The following RUNX1T1 variants were observed in gnomAD, a reference collection of about 807,000 sequenced individuals.
RUNX1T1 encodes the protein protein CBFA2T1.
A neutral mutation model predicts 62.8 loss-of-function variants in RUNX1T1; 4 were observed. The observed-to-expected ratio is 0.06, with a 90% CI of 0.03 to 0.15. The LOEUF (loss-of-function observed/expected upper bound fraction) is 0.15, where lower values mean the gene tolerates loss of function less well. RUNX1T1 is among the 10% of genes least tolerant of loss of function. RUNX1T1 has a pLI of 1.00. For synonymous variants in RUNX1T1, 291 were observed against 286.0 expected, an observed-to-expected ratio of 1.02 and a Z score of -0.18; for missense variants, 508 against 754.3, an observed-to-expected ratio of 0.67 and a Z score of 3.82.
chr8:92,048,766 C>A (rs1208900805), intron 1 of RUNX1T1, among the ~76,000 whole-genome samples: 2 of 151,604 alleles, frequency 1.3e-5, no homozygotes, highest in Non-Finnish European at 2.9e-5. Flanking sequence ...TTATTGGAAT[C>A]TGAAAAACAT....
intron 1 of RUNX1T1, among the ~76,000 whole-genome samples, chr8:92,034,968 A>G (rs1048127008): frequency 1.3e-5 from 2 of 152,054 alleles, no homozygotes; most frequent in African/African-American, 4.8e-5. Flanking sequence ...GTTCTCATTT[A>G]TAAGTAGGAG....
At chr8:92,054,372 T>C (rs1722657701) in intron 1 of RUNX1T1, among the ~76,000 whole-genome samples, 1 of 152,164 alleles carries the variant, frequency 6.6e-6, no homozygotes, top group African/African-American at 2.4e-5. Flanking sequence ...AGCATAACAC[T>C]TGGCACTGTT....
chr8:92,010,217 G>A (rs1821666026), intron 4 of RUNX1T1: 1 of 152,154 alleles, frequency 6.6e-6, no homozygotes, highest in Non-Finnish European at 1.5e-5. Flanking sequence ...CTTCAAAGGG[G>A]AGTGCAAATG....
At chr8:92,058,354 T>C (rs1831378041) in intron 1 of RUNX1T1, among the ~76,000 whole-genome samples, 1 of 152,184 alleles carries the variant, frequency 6.6e-6, no homozygotes, top group Non-Finnish European at 1.5e-5. Flanking sequence ...TCCCAAACAA[T>C]TATAAAATAA....
chr8:92,041,226 C>T (rs1828384556), intron 1 of RUNX1T1, among the ~76,000 whole-genome samples: 1 of 141,278 alleles, frequency 7.1e-6, no homozygotes, highest in Non-Finnish European at 1.5e-5. Context: ...GCATGCAAAG[C>T]CAAGGGGCAT....
rs569345024 is a variant in RUNX1T1 at position 92,084,030 on chromosome 8, A to G, written c.-85-7893T>C. 3.3e-4 allele frequency among the ~76,000 whole-genome samples: 50 copies of G among 152,258 alleles called. No homozygotes were observed. In the South Asian group the frequency reaches 0.01, roughly 31 times the overall value. ...AGCCAAACAATGCATGTTCTCACTC[A>G]TAAGTGGGAGTTGAACAATGAGAAC... On this transcript the variant is annotated intron_variant, in intron 1 of 11. Coordinates refer to the RUNX1T1 transcript ENST00000265814.
In RUNX1T1 at chr8:92,041,546, G is replaced by T. The variant is rs1244505372; in HGVS notation, c.7+21000C>A. Among the ~76,000 whole-genome samples the T allele has an allele frequency of 5.9e-5, 9 of 152,258 alleles. No homozygotes were observed. The East Asian group carries it at 1.4e-3, about 23-fold the overall frequency. On this transcript the variant is annotated intron_variant, in intron 1 of 10. Transcript: ENST00000396218. ...ACTTGAGGCCAGGAGTTCAAGATCAGCCTGGCCAAAGTGGTGAAACCCCAT... is the reference window on the plus strand; with the variant it reads ...ACTTGAGGCCAGGAGTTCAAGATCATCCTGGCCAAAGTGGTGAAACCCCAT...
At chr8:92,050,797 T>G (rs1276264884) in intron 1 of RUNX1T1, among the ~76,000 whole-genome samples, 1 of 152,302 alleles carries the variant, frequency 6.6e-6, no homozygotes, top group East Asian at 1.9e-4. Context: ...ATCATGTCAC[T>G]TCCTAGCTTA....
chr8:91,987,384 T>C (rs1159907775), intron 6 of RUNX1T1, among the ~76,000 whole-genome samples: 1 of 152,144 alleles, frequency 6.6e-6, no homozygotes, highest in East Asian at 1.9e-4. Context: ...TCATTTTACA[T>C]AGGAAGGGTT....
intron 1 of RUNX1T1, among the ~76,000 whole-genome samples, chr8:92,099,239 T>C (rs1475551494): frequency 6.6e-6 from 1 of 152,204 alleles, no homozygotes; most frequent in African/African-American, 2.4e-5. Flanking sequence ...GTTATTAACA[T>C]GTAGAAATTA....
chr8:92,088,647 G>A (rs1836508773), intron 1 of RUNX1T1, among the ~76,000 whole-genome samples: 1 of 152,114 alleles, frequency 6.6e-6, no homozygotes, highest in African/African-American at 2.4e-5. Context: ...GTTACTAGGT[G>A]GATTCTCCAA....
At chr8:92,021,273 C>T (rs1824042054) in intron 1 of RUNX1T1, among the ~76,000 whole-genome samples, 1 of 152,092 alleles carries the variant, frequency 6.6e-6, no homozygotes, top group South Asian at 2.1e-4. Context: ...GGGTATAGAA[C>T]TTTAATTTTT....
At chr8:92,003,220 G>A (rs1028518707) in intron 5 of RUNX1T1, 2 of 392,270 alleles carry the variant, frequency 5.1e-6, no homozygotes, top group African/African-American at 4.1e-5. Flanking sequence ...CAGCGACAGA[G>A]CATCAAAACA....
chr8:92,005,461 C>T (rs1460721487), intron 4 of RUNX1T1, 164 bp from the exon 6 acceptor site: 1 of 602,482 alleles, frequency 1.7e-6, no homozygotes, highest in African/African-American at 1.9e-5. Flanking sequence ...CAGCACTGGG[C>T]TACCATGTGC....
At chr8:92,031,799 G>A (rs1007246325) in intron 1 of RUNX1T1, among the ~76,000 whole-genome samples, 1 of 151,900 alleles carries the variant, frequency 6.6e-6, no homozygotes, top group Non-Finnish European at 1.5e-5. Flanking sequence ...TGACAAGGCC[G>A]GGCGTTTATT....
At chr8:92,043,792 C>T (rs1828893464) in intron 1 of RUNX1T1, among the ~76,000 whole-genome samples, 1 of 152,056 alleles carries the variant, frequency 6.6e-6, no homozygotes, top group South Asian at 2.1e-4. Context: ...GCCTGGCTAA[C>T]ATGGTGAAAC....
chr8:92,063,503 A>C (rs1832396893), upstream of RUNX1T1: 1 of 152,222 alleles, frequency 6.6e-6, no homozygotes, highest in Non-Finnish European at 1.5e-5. Flanking sequence ...CTTCCCATGA[A>C]TAACACATAC....
At chr8:91,985,125 T>C (rs1388485861) in intron 8 of RUNX1T1, among the ~76,000 whole-genome samples, 1 of 152,226 alleles carries the variant, frequency 6.6e-6, no homozygotes, top group Non-Finnish European at 1.5e-5. Context: ...GAACTTAATC[T>C]GCACGTTTTG....
downstream of RUNX1T1, chr8:91,955,626 C>A (rs1246096532): frequency 4.4e-6 from 1 of 226,420 alleles, no homozygotes; most frequent in Non-Finnish European, 8.8e-6. Flanking sequence ...CCAAGTCACC[C>A]TCCCATGTAA....
Sources: gnomAD v4.1 joint callset for allele counts (sites outside exome capture counted in the v4.1 genomes callset) on GRCh38, gnomAD v4.1.1 for gene constraint, MANE v1.5 for transcripts, NCBI Gene and HGNC (gene_info 2026-07-23, HGNC 2026-07-21) for gene names.